EXO5: variants seen among roughly 807,000 people sequenced by gnomAD.
EXO5 encodes exonuclease 5.
In EXO5, 11 loss-of-function variants were observed where a neutral mutation model predicts 17.8. That is an observed-to-expected ratio of 0.62 (90% CI 0.39 to 1.02). The LOEUF (loss-of-function observed/expected upper bound fraction) is 1.02. EXO5 is among the 50% of genes least tolerant of loss of function. The pLI is 0.00. For missense variants in EXO5, 364 were observed against 434.8 expected, an observed-to-expected ratio of 0.84 and a Z score of 1.45; for synonymous variants, 147 against 166.5, an observed-to-expected ratio of 0.88 and a Z score of 0.90.
intron 3 of EXO5, 78 bp from the exon 4 acceptor site, chr1:40,514,437 T>A: frequency 1.6e-6 from 2 of 1,226,586 alleles, no homozygotes; most frequent in Non-Finnish European, 2.3e-6. Context: ...ATAATTTTGT[T>A]TTTATCTCAC....
chr1:40,514,348 C>A, intron 3 of EXO5, 167 bp from the exon 4 acceptor site: 1 of 557,192 alleles, frequency 1.8e-6, no homozygotes, highest in Non-Finnish European at 3.1e-6. Flanking sequence ...GCAATACATA[C>A]CTGGACTATA....
rs1134586 is a variant in EXO5, at chr1:40,514,887, G to A, written c.343G>A (p.Asp115Asn). The A allele has an allele frequency of 0.17, 273,254 of 1,613,792 alleles. 24,308 individuals are homozygous for A. The highest frequency in any genetic ancestry group is 0.25 in the Middle Eastern group (1,486 of 6,062). Residue 115 changes from aspartate (D) to asparagine (N), a missense_variant, in exon 4 of 4, where the codon GAC becomes AAC. Coordinates refer to ENST00000415550, the MANE Select transcript of EXO5 (RefSeq NM_001346953.2). ...GGCACCTGAGAAGGCAGCTGTGTTG[G>A]ACACTGGTGCCAGCATACACCTAGC... ...FLAPEKAAVL[D>N]TGASIHLARE...
chr1:40,509,847 A>G (rs974265505), intron 3 of EXO5, 57 bp downstream of exon 3: 4 of 152,066 alleles, frequency 2.6e-5, no homozygotes, highest in African/African-American at 9.7e-5. Flanking sequence ...GAATCGATAC[A>G]CTCTCTCATC....
At position 40,509,477 on chromosome 1, in the gene EXO5, C is replaced by T. The variant is rs148041055; in HGVS notation, c.-237C>T. The T allele has an allele frequency of 6.6e-6, 1 of 152,324 alleles. No homozygotes were observed. The highest frequency in any genetic ancestry group is 2.4e-5 in the African/African-American group (1 of 41,550). 9.4% of individuals were successfully genotyped at this position (152,324 alleles called of 1,614,324 possible). On this transcript the variant is annotated 5_prime_UTR_variant, in exon 2 of 4. Transcript: ENST00000415550. The stretch of plus-strand genomic sequence containing the variant: ...GAGCAGGGATTGGATCAAGTCATTG[C>T]ATCTAGAGTACGGGGGAACGAAGAA...
Position 40,515,960 on chromosome 1 carries a change from G to C in EXO5, c.*294G>C, listed in dbSNP as rs957533529. The C allele has an allele frequency of 3.3e-6, 1 of 306,654 alleles. No individual in the cohort carries two copies. The highest frequency in any genetic ancestry group is 6.2e-5 in the South Asian group (1 of 16,002). The allele number at this position is 306,654 out of a possible 1,614,324, so 19.0% of individuals were successfully genotyped here. A position where few individuals can be genotyped will look rare whatever the true frequency, so the allele number is the denominator to read the frequency against. The stretch of plus-strand genomic sequence containing the variant: ...TTTGCTTTCCTAAGAAAATTCTTCA[G>C]TTTCTGATAAGTCATCCCTATTTTT... On this transcript the variant is annotated 3_prime_UTR_variant, in exon 4 of 4. Transcript: ENST00000415550.
chr1:40,511,201 C>T (rs1421668104), intron 3 of EXO5, among the ~76,000 whole-genome samples: 1 of 152,100 alleles, frequency 6.6e-6, no homozygotes, highest in Non-Finnish European at 1.5e-5. Context: ...CGCCACTGCA[C>T]TCCAGCCTGG....
At chr1:40,513,125 G>A (rs755304794) in intron 3 of EXO5, among the ~76,000 whole-genome samples, 22 of 152,154 alleles carry the variant, frequency 1.4e-4, no homozygotes, top group Non-Finnish European at 2.4e-4. Flanking sequence ...CCCATTATAA[G>A]CTAGTTTCTT....
chr1:40,513,583 CTT>C (rs576118331), intron 3 of EXO5, among the ~76,000 whole-genome samples: 96 of 142,412 alleles, frequency 6.7e-4, no homozygotes, highest in African/African-American at 3.3e-4. Flanking sequence ...CTCAAATCTC[CTT>C]TTTTTTTTTT....
At position 40,515,274 on chromosome 1, in the gene EXO5, T is replaced by C. The variant is rs1645864816; in HGVS notation, c.730T>C (p.Leu244=). 3.1e-6 allele frequency: 5 copies of C among 1,614,030 alleles called. No individual in the cohort carries two copies. In the African/African-American group the frequency reaches 6.7e-5, roughly 22 times the overall value. Residue 244 remains leucine (L), a synonymous_variant, in exon 4 of 4, where the codon TTG becomes CTG. Transcript: ENST00000415550. ...TGCTAGCCTAATCCACCACACAAAG[T>C]TGTGTCTAGAAAAGCCACTGGGGCC... The part of the protein sequence containing the change: ...TPASLIHHTK[L]CLEKPLGPSV...
chr1:40,514,760 C>T lies in EXO5; in HGVS notation c.216C>T (p.Pro72=), dbSNP rs764901873. Reference sequence around the variant, plus strand: ...AAAGAGGATTGGATATATTATCACCCATGGAGAGATTCCACCTTAAATATT... The same window carrying T: ...AAAGAGGATTGGATATATTATCACCTATGGAGAGATTCCACCTTAAATATT... ...NWKRGLDILS[P]MERFHLKYLY... The change falls in exon 4 of 4, where the codon CCC becomes CCT. Residue 72 remains proline, a synonymous_variant. Transcript: ENST00000415550. 2.5e-6 allele frequency: 4 copies of T among 1,614,118 alleles called. No individual in the cohort carries two copies. The East Asian group carries it at 8.9e-5, about 36-fold the overall frequency.
At chr1:40,512,868 G>A (rs1377510004) in intron 3 of EXO5, among the ~76,000 whole-genome samples, 1 of 152,012 alleles carries the variant, frequency 6.6e-6, no homozygotes, top group Non-Finnish European at 1.5e-5. Flanking sequence ...CACCTGCCTC[G>A]GCCTCCCAAA....
intron 3 of EXO5, among the ~76,000 whole-genome samples, chr1:40,513,728 A>G (rs1377640077): frequency 6.6e-6 from 1 of 151,716 alleles, no homozygotes; most frequent in Admixed American, 6.6e-5. Flanking sequence ...AGCTGGGAAT[A>G]CAGGTGTGTG....
rs1645874349 is a variant in EXO5, at chr1:40,515,531, C to T, written c.987C>T (p.His329=). The part of the protein sequence containing the change: ...VQHYMAYWMG[H]REPQGVDVEE... ...ATTATATGGCCTACTGGATGGGCCA[C>T]CGAGAGCCCCAGGGAGTTGACGTGG... Residue 329 remains histidine (H), a synonymous_variant, in exon 4 of 4, where the codon CAC becomes CAT. Transcript: ENST00000415550. 6.2e-7 allele frequency: 1 copy of T among 1,613,648 alleles called. No homozygotes were observed. The highest frequency in any genetic ancestry group is 1.1e-5 in the South Asian group (1 of 91,050).
In EXO5 at chr1:40,514,555, C is replaced by T. The variant is rs766674662; in HGVS notation, c.11C>T (p.Thr4Ile). MAE[T>I]REEETVSAEA... ...ATCCAGAGCTGTACCATGGCAGAGA[C>T]AAGAGAAGAGGAGACAGTGTCAGCA... The change falls in exon 4 of 4, where the codon ACA becomes ATA. Residue 4 changes from threonine to isoleucine, a missense_variant. Physicochemically the swap from Thr to Ile is moderately conservative, Grantham distance 89. Coordinates refer to ENST00000415550, the MANE Select transcript of EXO5 (RefSeq NM_001346953.2). The T allele has an allele frequency of 3.1e-6, 5 of 1,612,858 alleles. No individual in the cohort carries two copies. In the South Asian group the frequency reaches 5.5e-5, roughly 18 times the overall value.
rs965565347 is a variant in EXO5 at position 40,514,770 on chromosome 1, T to C, written c.226T>C (p.Phe76Leu). Residue 76 changes from phenylalanine (F) to leucine (L), a missense_variant, in exon 4 of 4, where the codon TTC (phenylalanine) becomes CTC (leucine). Coordinates refer to ENST00000415550, the MANE Select transcript of EXO5 (RefSeq NM_001346953.2). ...GGATATATTATCACCCATGGAGAGA[T>C]TCCACCTTAAATATTTATATGTCAC... ...GLDILSPMERFHLKYLYVTDL... is the reference protein window; with the variant it reads ...GLDILSPMERLHLKYLYVTDL... The C allele has an allele frequency of 6.2e-6, 10 of 1,614,058 alleles. No homozygotes were observed. The Admixed American group carries it at 1.2e-4, about 19-fold the overall frequency.
chr1:40,515,759 A>C lies in EXO5; in HGVS notation c.*93A>C. On this transcript the variant is annotated 3_prime_UTR_variant, in exon 4 of 4. Transcript: ENST00000415550. ...GTCTCTGAGCTTGGCTTTTATGGAG[A>C]GTGTTCTTATTTTGGTTCTTTTTTT... is the stretch of plus-strand genomic sequence containing the variant. 7.2e-7 allele frequency: 1 copy of C among 1,385,996 alleles called. No homozygotes were observed. The highest frequency in any genetic ancestry group is 1.5e-5 in the African/African-American group (1 of 68,900). The allele number at this position is 1,385,996 out of a possible 1,614,324, so 85.9% of individuals were successfully genotyped here.
At position 40,514,730 on chromosome 1, in the gene EXO5, C is replaced by T. The variant is rs1246796308; in HGVS notation, c.186C>T (p.Asn62=). ...GKDDKPISLQ[N]WKRGLDILSP... is the part of the protein sequence containing the mutation. The stretch of plus-strand genomic sequence containing the variant: ...ATGACAAACCCATAAGCTTACAAAA[C>T]TGGAAAAGAGGATTGGATATATTAT... Residue 62 remains asparagine, a synonymous_variant, in exon 4 of 4, where the codon AAC becomes AAT. Transcript: ENST00000415550. The T allele has an allele frequency of 6.2e-7, 1 of 1,614,148 alleles. No individual in the cohort carries two copies. Among genetic ancestry groups the T allele is most frequent in the Non-Finnish European group, 8.5e-7 (1 of 1,180,022 alleles).
rs1279792253 is a variant in EXO5, at chr1:40,514,594, T to C, written c.50T>C (p.Phe17Ser). Residue 17 changes from phenylalanine to serine, a missense_variant, in exon 4 of 4, where the codon TTC (phenylalanine) becomes TCC (serine). By Grantham distance (155) the Phe-to-Ser change is radical. Transcript: ENST00000415550. ...EETVSAEASGFSDLSDSEFLE... is the reference protein window; with the variant it reads ...EETVSAEASGSSDLSDSEFLE... ...ACAGTGTCAGCAGAAGCCTCAGGGT[T>C]CTCAGACTTGAGTGACTCAGAGTTC... The C allele has an allele frequency of 6.2e-7, 1 of 1,614,168 alleles. No homozygotes were observed.
At position 40,515,636 on chromosome 1, in the gene EXO5, A is replaced by G. The variant is rs1456950416; in HGVS notation, c.1092A>G (p.Thr364=). Residue 364 remains threonine, a synonymous_variant, in exon 4 of 4, where the codon ACA becomes ACG. Coordinates refer to ENST00000415550, the MANE Select transcript of EXO5 (RefSeq NM_001346953.2). ...WRKGSGVLSS[T]LAPQVKKAK ...AGGGCAGTGGAGTGCTCAGCTCTAC[A>G]CTGGCGCCCCAAGTCAAAAAAGCCA... 2 of 1,612,020 alleles carry G rather than the reference A, an allele frequency of 1.2e-6. No homozygotes were observed. The highest frequency in any genetic ancestry group is 4.5e-5 in the East Asian group (2 of 44,868).
Sources: gnomAD v4.1 joint callset for allele counts (sites outside exome capture counted in the v4.1 genomes callset) on GRCh38, gnomAD v4.1.1 for gene constraint, MANE v1.5 for transcripts, NCBI Gene and HGNC (gene_info 2026-07-23, HGNC 2026-07-21) for gene names.